LRRC49: variants seen among roughly 807,000 people sequenced by gnomAD.
LRRC49 encodes leucine rich repeat containing 49, also known as leucine-rich repeat-containing protein 49.
In LRRC49, 50 loss-of-function variants were observed where a neutral mutation model predicts 83.3. The observed-to-expected ratio is 0.60, with a 90% confidence interval of 0.48 to 0.76. The LOEUF is 0.76. LRRC49 is among the 30% of genes least tolerant of loss of function. The pLI, the probability that LRRC49 is intolerant of heterozygous loss-of-function variation, is 0.00. For synonymous variants in LRRC49, 286 were observed against 283.3 expected (o/e 1.01, Z -0.10); for missense variants, 704 against 809.1 (o/e 0.87, Z 1.58).
In LRRC49 at chr15:71,049,599, C is replaced by A. The variant is rs781314603; in HGVS notation, c.2048C>A (p.Thr683Lys). 6.7e-5 allele frequency: 107 copies of A among 1,596,054 alleles called. No individual in the cohort carries two copies. The highest frequency in any genetic ancestry group is 8.5e-5 in the Non-Finnish European group (100 of 1,175,382). The part of the protein sequence containing the change: ...SYMKLCLQQI[T>K]DQK ...ATGAAGCTCTGCCTACAGCAGATAA[C>A]AGACCAAAAATAAAAATGGCCTTTA... Residue 683 changes from threonine (T) to lysine (K), a missense_variant, in exon 16 of 16, where the codon ACA becomes AAA. Thr to Lys is a moderately conservative substitution (Grantham distance 78). Transcript: ENST00000260382.
At chr15:70,920,775 TATC>T (rs767361222) in intron 7 of LRRC49, among the ~76,000 whole-genome samples, 3 of 152,214 alleles carry the variant, frequency 2.0e-5, no homozygotes, top group Admixed American at 1.3e-4. Flanking sequence ...CAGTAGTAAG[TATC>T]ATGCATATTA....
At chr15:70,949,134 C>T (rs1340109799) in intron 8 of LRRC49, among the ~76,000 whole-genome samples, 1 of 152,130 alleles carries the variant, frequency 6.6e-6, no homozygotes, top group Non-Finnish European at 1.5e-5. Context: ...ACTTGTGGGC[C>T]ATACAAAAAC....
At chr15:70,992,206 T>C (rs2037906451) in intron 11 of LRRC49, among the ~76,000 whole-genome samples, 1 of 152,336 alleles carries the variant, frequency 6.6e-6, no homozygotes, top group South Asian at 2.1e-4. Flanking sequence ...TAGTTAGCTA[T>C]TTGTCTAATC....
At chr15:71,033,064 G>A (rs527709280) in intron 14 of LRRC49, among the ~76,000 whole-genome samples, 1 of 152,288 alleles carries the variant, frequency 6.6e-6, no homozygotes, top group Admixed American at 6.5e-5. Context: ...AAGAGAAGAA[G>A]TCAAACTGTC....
chr15:70,945,930 T>C (rs1018074756), intron 8 of LRRC49, among the ~76,000 whole-genome samples: 1 of 152,156 alleles, frequency 6.6e-6, no homozygotes, highest in Non-Finnish European at 1.5e-5. Flanking sequence ...GGGCATTGTT[T>C]GGTTTTGTTT....
upstream of LRRC49, among the ~76,000 whole-genome samples, chr15:70,887,945 A>G (rs572375479): frequency 1.3e-5 from 2 of 152,342 alleles, no homozygotes; most frequent in East Asian, 3.9e-4. Context: ...AATACCATTT[A>G]TAGTAGCAAA....
intron 5 of LRRC49, among the ~76,000 whole-genome samples, chr15:70,906,457 A>G (rs1229120089): frequency 6.6e-6 from 1 of 152,202 alleles, no homozygotes; most frequent in Non-Finnish European, 1.5e-5. Flanking sequence ...CCTTGCTTGC[A>G]GTTATTCTTT....
intron 9 of LRRC49, among the ~76,000 whole-genome samples, chr15:70,974,191 G>A (rs550788464): frequency 6.6e-6 from 1 of 152,282 alleles, no homozygotes; most frequent in Admixed American, 6.5e-5. Context: ...TGGTCACTAG[G>A]AGGCAGCATT....
intron 13 of LRRC49, among the ~76,000 whole-genome samples, chr15:71,011,686 A>G (rs1050827329): frequency 3.3e-5 from 5 of 152,180 alleles, no homozygotes; most frequent in African/African-American, 1.2e-4. Context: ...AGTGGCCTGC[A>G]TTGGCCACTA....
intron 7 of LRRC49, among the ~76,000 whole-genome samples, chr15:70,930,701 G>C (rs936458541): frequency 2.6e-5 from 4 of 152,174 alleles, no homozygotes; most frequent in Non-Finnish European, 4.4e-5. Context: ...AGTTATCTTA[G>C]CTGGATTATC....
At chr15:71,016,909 C>T (rs2038845185) in intron 14 of LRRC49, among the ~76,000 whole-genome samples, 1 of 151,886 alleles carries the variant, frequency 6.6e-6, no homozygotes, top group Admixed American at 6.6e-5. Context: ...AGTTTGAGAC[C>T]AGCCTGGGCA....
chr15:71,000,376 C>A (rs1043658755), intron 11 of LRRC49, among the ~76,000 whole-genome samples: 1 of 152,150 alleles, frequency 6.6e-6, no homozygotes, highest in African/African-American at 2.4e-5. Context: ...TCATTTATAT[C>A]TGTTCTATAA....
At chr15:70,853,962 C>G in intron 1 of LRRC49, 1 of 1,455,750 alleles carries the variant, frequency 6.9e-7, no homozygotes, top group Non-Finnish European at 9.1e-7. Flanking sequence ...GGGTCCCCGG[C>G]GCCCCGAGTC....
chr15:70,885,900 A>C (rs568349029), intron 2 of LRRC49, among the ~76,000 whole-genome samples: 2 of 152,320 alleles, frequency 1.3e-5, no homozygotes, highest in East Asian at 3.9e-4. Context: ...TCTCAAGTAC[A>C]TATGGAACAT....
chr15:71,047,507 G>A (rs2039887276), intron 15 of LRRC49, among the ~76,000 whole-genome samples: 2 of 152,128 alleles, frequency 1.3e-5, no homozygotes, highest in African/African-American at 4.8e-5. Flanking sequence ...GTATAGAAAC[G>A]CTACTGAATT....
rs752720992 is a variant in LRRC49, at chr15:70,904,570, T to C, written c.315T>C (p.Cys105=). 9 of 1,613,090 alleles carry C rather than the reference T, an allele frequency of 5.6e-6. No homozygotes were observed. In the South Asian group the frequency reaches 9.9e-5, roughly 18 times the overall value. The part of the protein sequence containing the change: ...LSLERQKLTV[C]PIINGEDHLR... ...TTTCTAGACAAAAGCTGACCGTATG[T>C]CCTATCATCAATGGGGAAGACCACC... Residue 105 remains cysteine (C), a synonymous_variant, in exon 5 of 16, where the codon TGT becomes TGC. Transcript: ENST00000260382.
At chr15:71,010,952 A>G (rs2038632617) in intron 13 of LRRC49, among the ~76,000 whole-genome samples, 2 of 152,110 alleles carry the variant, frequency 1.3e-5, no homozygotes, top group African/African-American at 4.8e-5. Flanking sequence ...GTACAGGTAG[A>G]TACTTAACTC....
In LRRC49 at chr15:70,876,515, G is replaced by A. The variant is rs570757406; in HGVS notation, c.18+3292G>A. Among the ~76,000 whole-genome samples, 16 of 152,206 alleles carry A rather than the reference G, an allele frequency of 1.1e-4. 1 individual carries two copies. The East Asian group carries it at 3.1e-3, about 29-fold the overall frequency. On this transcript the variant is annotated intron_variant, in intron 2 of 16. Coordinates refer to the LRRC49 transcript ENST00000544974. ...TCATCCAGTCTTCAGAGAGGGTGAG[G>A]GTAGGGTCAGGGTAGGTTTCTCAGG...
At chr15:71,024,622 G>A (rs1185949932) in intron 14 of LRRC49, among the ~76,000 whole-genome samples, 2 of 151,450 alleles carry the variant, frequency 1.3e-5, no homozygotes, top group African/African-American at 4.9e-5. Context: ...CTCAAAGATC[G>A]AAGATAAATT....
Sources: gnomAD v4.1 joint callset for allele counts (sites outside exome capture counted in the v4.1 genomes callset) on GRCh38, gnomAD v4.1.1 for gene constraint, MANE v1.5 for transcripts, NCBI Gene and HGNC (gene_info 2026-07-23, HGNC 2026-07-21) for gene names.